KHDRBS2: variants seen among roughly 807,000 people sequenced by gnomAD.
The protein encoded by KHDRBS2 is KH RNA binding domain containing, signal transduction associated 2, also known as KH domain-containing, RNA-binding, signal transduction-associated protein 2.
KHDRBS2 carries 26 observed loss-of-function variants against 44.3 expected under a neutral mutation model. The ratio of observed to expected loss-of-function variants is 0.59; its 90% CI spans 0.43 to 0.81. The LOEUF is 0.81. Ranked by LOEUF, KHDRBS2 falls within the 40% of genes least tolerant of loss-of-function variation. The pLI is 0.00. For missense variants in KHDRBS2, 476 were observed against 433.1 expected (o/e 1.10, Z -0.88); for synonymous variants, 194 against 151.1 (o/e 1.28, Z -2.08).
the KHDRBS2 span, among the ~76,000 whole-genome samples, chr6:61,543,632 T>C: frequency 2.0e-5 from 3 of 150,538 alleles, no homozygotes; most frequent in African/African-American, 7.3e-5. Context: ...AATCAGTATA[T>C]AGAAGAGATA....
intron 3 of KHDRBS2, among the ~76,000 whole-genome samples, chr6:61,983,238 T>TTTTTTCTTTCTTTCTTTCTTTCTTTC (rs1774317727): frequency 1.2e-5 from 1 of 81,038 alleles, no homozygotes; most frequent in Non-Finnish European, 2.6e-5. Context: ...CTTTCTTTCT[T>TTTTTTCTTTCTTTCTTTCTTTCTTTC]TTTTTTTTTT....
chr6:61,867,866 C>T (rs868860452), intron 6 of KHDRBS2, among the ~76,000 whole-genome samples: 2 of 152,122 alleles, frequency 1.3e-5, no homozygotes, highest in South Asian at 4.1e-4. Flanking sequence ...CCAGCCCAAA[C>T]GTACCTGTAG....
chr6:62,050,124 T>C (rs745996245), intron 2 of KHDRBS2, among the ~76,000 whole-genome samples: 4 of 151,946 alleles, frequency 2.6e-5, no homozygotes, highest in Non-Finnish European at 4.4e-5. Context: ...TAAAAAAGGA[T>C]GAGTTCATGC....
intron 2 of KHDRBS2, among the ~76,000 whole-genome samples, chr6:62,144,031 CAT>C (rs1422708665): frequency 1.3e-5 from 2 of 151,906 alleles, no homozygotes; most frequent in Non-Finnish European, 2.9e-5. Flanking sequence ...AACTAGTAAA[CAT>C]AGCTCTGTAG....
intron 1 of KHDRBS2, among the ~76,000 whole-genome samples, chr6:62,229,911 C>T (rs1225350119): frequency 6.6e-6 from 1 of 152,166 alleles, no homozygotes; most frequent in African/African-American, 2.4e-5. Flanking sequence ...TTGATGGGAG[C>T]CTCCAATCTC....
At chr6:62,065,994 G>C (rs996051534) in intron 2 of KHDRBS2, among the ~76,000 whole-genome samples, 1 of 151,386 alleles carries the variant, frequency 6.6e-6, no homozygotes, top group Non-Finnish European at 1.5e-5. Context: ...AGAGCCTTTG[G>C]TCATGTTTTA....
At chr6:61,846,216 T>C (rs1285801816) in intron 6 of KHDRBS2, among the ~76,000 whole-genome samples, 2 of 152,192 alleles carry the variant, frequency 1.3e-5, no homozygotes, top group East Asian at 3.9e-4. Flanking sequence ...TATTTCTTTA[T>C]AGCAATGTGA....
chr6:62,059,456 G>A (rs2127324435), intron 2 of KHDRBS2, among the ~76,000 whole-genome samples: 1 of 151,350 alleles, frequency 6.6e-6, no homozygotes, highest in African/African-American at 2.4e-5. Flanking sequence ...AAAAGGAGAT[G>A]AGACTGAAGC....
chr6:61,642,189 A>T, the KHDRBS2 span, among the ~76,000 whole-genome samples: 1 of 152,184 alleles, frequency 6.6e-6, no homozygotes, highest in African/African-American at 2.4e-5. Flanking sequence ...GTATAGTGAA[A>T]TTTTTTATTT....
intron 6 of KHDRBS2, among the ~76,000 whole-genome samples, chr6:61,880,340 G>A (rs1343510775): frequency 6.6e-6 from 1 of 151,938 alleles, no homozygotes; most frequent in Non-Finnish European, 1.5e-5. Flanking sequence ...AAATTTTAAT[G>A]GAGGAGATTG....
chr6:62,241,705 C>T (rs1834702079), intron 1 of KHDRBS2, among the ~76,000 whole-genome samples: 1 of 148,274 alleles, frequency 6.7e-6, no homozygotes, highest in Non-Finnish European at 1.5e-5. Context: ...TTTTATTTGA[C>T]CACAGGGATA....
intron 2 of KHDRBS2, among the ~76,000 whole-genome samples, chr6:62,050,743 T>A (rs1271397261): frequency 6.6e-6 from 1 of 152,030 alleles, no homozygotes; most frequent in African/African-American, 2.4e-5. Flanking sequence ...CAGTTATTTA[T>A]AAAGTTAAAC....
chr6:61,633,250 G>A, the KHDRBS2 span, among the ~76,000 whole-genome samples: 1 of 152,048 alleles, frequency 6.6e-6, no homozygotes, highest in Non-Finnish European at 1.5e-5. Flanking sequence ...AATTTTGACT[G>A]AGAAAGATAC....
the KHDRBS2 span, among the ~76,000 whole-genome samples, chr6:61,640,470 T>C: frequency 6.6e-6 from 1 of 152,114 alleles, no homozygotes; most frequent in African/African-American, 2.4e-5. Flanking sequence ...CTAAGACCAA[T>C]TCAAATACAA....
At chr6:61,772,445 A>T (rs1781097797) in intron 6 of KHDRBS2, among the ~76,000 whole-genome samples, 1 of 152,130 alleles carries the variant, frequency 6.6e-6, no homozygotes. Flanking sequence ...AGAAGAAAAG[A>T]ATAAAATAGA....
chr6:61,791,255 T>G (rs1020355660), intron 6 of KHDRBS2, among the ~76,000 whole-genome samples: 2 of 151,386 alleles, frequency 1.3e-5, no homozygotes, highest in African/African-American at 4.8e-5. Flanking sequence ...GTTTTCATTA[T>G]TCTTTTTTTC....
At chr6:61,642,272 A>AT in the KHDRBS2 span, among the ~76,000 whole-genome samples, 1 of 152,050 alleles carries the variant, frequency 6.6e-6, no homozygotes, top group African/African-American at 2.4e-5. Context: ...TATATCACCT[A>AT]TTACCTTTGT....
At chr6:61,605,562 T>C in the KHDRBS2 span, among the ~76,000 whole-genome samples, 125,974 of 152,024 alleles carry the variant, frequency 0.83, 52,425 homozygotes, top group Non-Finnish European at 0.87. Flanking sequence ...TTAATTCATA[T>C]AAAACCATAT....
chr6:61,850,349 T>C (rs1795244290), intron 6 of KHDRBS2, among the ~76,000 whole-genome samples: 1 of 152,082 alleles, frequency 6.6e-6, no homozygotes, highest in South Asian at 2.1e-4. Flanking sequence ...TCCTAACTAA[T>C]TGTAGATGCC....
Sources: allele counts gnomAD v4.1 joint callset (sites outside exome capture counted in the v4.1 genomes callset), GRCh38; gene constraint gnomAD v4.1.1; transcripts MANE v1.5; gene names NCBI Gene and HGNC (gene_info 2026-07-23, HGNC 2026-07-21).